The following UFL1 variants were observed in gnomAD, a reference collection of about 807,000 sequenced individuals.
The protein encoded by UFL1 is UFM1 specific ligase 1.
In UFL1, 78 loss-of-function variants were observed where a neutral mutation model predicts 99.3. The ratio of observed to expected loss-of-function variants is 0.79; its 90% CI spans 0.65 to 0.95. The LOEUF is 0.95. UFL1 is among the 40% of genes least tolerant of loss of function. The pLI is 0.00. For missense variants in UFL1, 936 were observed against 937.0 expected (o/e 1.00, Z 0.01); for synonymous variants, 335 against 322.2 (o/e 1.04, Z -0.42).
In UFL1 at chr6:96,549,653, G is replaced by A. The variant is rs547874717; in HGVS notation, c.1688-16G>A. The A allele has an allele frequency of 1.5e-5, 24 of 1,598,472 alleles. No individual in the cohort carries two copies. The African/African-American group carries it at 2.7e-4, about 18-fold the overall frequency. On this transcript the variant is annotated splice_polypyrimidine_tract_variant and intron_variant, in intron 14 of 18. Coordinates refer to ENST00000369278, the MANE Select transcript of UFL1 (RefSeq NM_015323.5). ...GGGGAATAAATTAGTTTTAATAAAG[G>A]TCCTTTATTTTCCAGATGACACACA...
At chr6:96,542,862 G>A (rs766731069) in intron 11 of UFL1, 32 bp from the exon 12 acceptor site, 2 of 1,528,954 alleles carry the variant, frequency 1.3e-6, no homozygotes, top group Admixed American at 4.6e-5. Context: ...GATTTAGTTA[G>A]GTAATGCTAA....
chr6:96,546,677 A>G (rs920912022), intron 12 of UFL1, among the ~76,000 whole-genome samples: 5 of 151,730 alleles, frequency 3.3e-5, no homozygotes, highest in Non-Finnish European at 5.9e-5. Context: ...CACATAGATC[A>G]TTGGAACAGA....
chr6:96,526,100 AAAAG>A (rs749169643), intron 4 of UFL1, among the ~76,000 whole-genome samples: 2 of 152,178 alleles, frequency 1.3e-5, no homozygotes, highest in African/African-American at 2.4e-5. Flanking sequence ...AAAAAAAAGA[AAAAG>A]AAAAAGAAAA....
chr6:96,537,113 C>T (rs974131538), intron 8 of UFL1, among the ~76,000 whole-genome samples: 4 of 151,564 alleles, frequency 2.6e-5, no homozygotes, highest in Admixed American at 6.6e-5. Context: ...ATAATTTAAA[C>T]GTATGGTAGA....
At chr6:96,553,200 A>G (rs537374451) in intron 18 of UFL1, 85 bp from the exon 19 acceptor site, 27 of 1,287,816 alleles carry the variant, frequency 2.1e-5, no homozygotes, top group African/African-American at 4.5e-5. Context: ...AGGACCTTCA[A>G]TGTGTATTAG....
Position 96,549,492 on chromosome 6 carries a change from A to G in UFL1, c.1601A>G (p.Lys534Arg), listed in dbSNP as rs770003683. 1.3e-6 allele frequency: 2 copies of G among 1,591,152 alleles called. No individual in the cohort carries two copies. Among genetic ancestry groups the G allele is most frequent in the Admixed American group, 3.8e-5 (2 of 52,424 alleles). ...STTSASGTGR[K>R]RTIKDLQEEV... The stretch of plus-strand genomic sequence containing the variant: ...ACTTCTGCTTCTGGGACGGGCAGAA[A>G]ACGCACAATCAAGGACTTGCAAGAA... Residue 534 changes from lysine (K) to arginine (R), a missense_variant, in exon 14 of 19, where the codon AAA becomes AGA. Transcript: ENST00000369278.
At chr6:96,529,118 CAAT>C (rs772842280) in intron 6 of UFL1, among the ~76,000 whole-genome samples, 1 of 152,256 alleles carries the variant, frequency 6.6e-6, no homozygotes, top group East Asian at 1.9e-4. Context: ...TAATGAATAA[CAAT>C]GTTACTTGCA....
Position 96,548,063 on chromosome 6 carries a change from G to A in UFL1, c.1403-101G>A, listed in dbSNP as rs1770024666. ...TGACATTAACAATTGAGTAATGAATGAATTATTGTCTTACTAAATATAGTA... is the reference window on the plus strand; with the variant it reads ...TGACATTAACAATTGAGTAATGAATAAATTATTGTCTTACTAAATATAGTA... On this transcript the variant is annotated intron_variant, in intron 12 of 18. Transcript: ENST00000369278. The A allele has an allele frequency of 1.5e-5, 11 of 727,218 alleles. No homozygotes were observed. In the South Asian group the frequency reaches 1.9e-4, roughly 13 times the overall value. 45.0% of individuals were successfully genotyped at this position (727,218 alleles called of 1,614,324 possible). A position where few individuals can be genotyped will look rare whatever the true frequency, so the allele number is the denominator to read the frequency against.
intron 10 of UFL1, among the ~76,000 whole-genome samples, chr6:96,539,970 T>G (rs1181977916): frequency 6.6e-6 from 1 of 151,684 alleles, no homozygotes; most frequent in East Asian, 1.9e-4. Context: ...TAGGACCTTA[T>G]GCCATCAGAA....
chr6:96,524,485 C>T (rs1425452222), intron 3 of UFL1, 75 bp downstream of exon 3: 2 of 1,114,466 alleles, frequency 1.8e-6, no homozygotes, highest in African/African-American at 1.6e-5. Context: ...CAAGTATTCA[C>T]TAATGCTGGT....
At chr6:96,538,090 A>G (rs991925224) in intron 9 of UFL1, among the ~76,000 whole-genome samples, 2 of 151,778 alleles carry the variant, frequency 1.3e-5, no homozygotes, top group African/African-American at 4.8e-5. Flanking sequence ...TGGATATGAA[A>G]GTCCCAAAGA....
In UFL1 at chr6:96,526,406, T is replaced by C; in HGVS notation, c.436T>C (p.Tyr146His). Reference sequence around the variant, plus strand: ...CACCATATCAGAACTGTGTAAAACTTATGATCTTCCTGGGAACTTTCTGAC... The same window carrying C: ...CACCATATCAGAACTGTGTAAAACTCATGATCTTCCTGGGAACTTTCTGAC... ...QVTISELCKT[Y>H]DLPGNFLTQA... The change falls in exon 5 of 19, where the codon TAT becomes CAT. Residue 146 changes from tyrosine (Y) to histidine (H), a missense_variant. Tyr to His is a moderately conservative substitution (Grantham distance 83, BLOSUM62 2). Coordinates refer to ENST00000369278, the MANE Select transcript of UFL1 (RefSeq NM_015323.5). 1 of 1,612,436 alleles carries C rather than the reference T, an allele frequency of 6.2e-7. No individual in the cohort carries two copies. The highest frequency in any genetic ancestry group is 8.5e-7 in the Non-Finnish European group (1 of 1,179,548).
At chr6:96,535,926 A>T (rs1173477654) in intron 7 of UFL1, among the ~76,000 whole-genome samples, 3 of 152,056 alleles carry the variant, frequency 2.0e-5, no homozygotes, top group Non-Finnish European at 4.4e-5. Context: ...ATTATGAGAT[A>T]GATAATGGCA....
At chr6:96,550,244 T>A (rs898408193) in intron 15 of UFL1, among the ~76,000 whole-genome samples, 9 of 151,872 alleles carry the variant, frequency 5.9e-5, no homozygotes, top group African/African-American at 1.9e-4. Context: ...ATGTAGAGAA[T>A]GGCTCCCAGT....
At chr6:96,547,830 A>T (rs1770021671) in intron 12 of UFL1, among the ~76,000 whole-genome samples, 2 of 151,476 alleles carry the variant, frequency 1.3e-5, no homozygotes, top group South Asian at 4.1e-4. Context: ...GTATGTGGGC[A>T]GGGCAAGGGT....
chr6:96,540,662 A>T lies in UFL1; in HGVS notation c.1279+7A>T, dbSNP rs1398859851. Reference sequence around the variant, plus strand: ...CGAAGAAGGAAAGCAACAGGTAATAAATTGTTAACAAGGAATATTCAAAGT... The same window carrying T: ...CGAAGAAGGAAAGCAACAGGTAATATATTGTTAACAAGGAATATTCAAAGT... On this transcript the variant is annotated splice_region_variant and intron_variant, in intron 11 of 18. Transcript: ENST00000369278. 6.3e-7 allele frequency: 1 copy of T among 1,592,044 alleles called. No homozygotes were observed. Among genetic ancestry groups the T allele is most frequent in the Admixed American group, 1.8e-5 (1 of 54,916 alleles).
intron 12 of UFL1, among the ~76,000 whole-genome samples, chr6:96,547,087 T>C (rs1770012035): frequency 6.6e-6 from 1 of 151,608 alleles, no homozygotes; most frequent in Non-Finnish European, 1.5e-5. Context: ...ATGCGAATTA[T>C]GCTTCTGACA....
intron 11 of UFL1, among the ~76,000 whole-genome samples, chr6:96,541,897 G>T (rs35125252): frequency 6.6e-6 from 1 of 150,876 alleles, no homozygotes; most frequent in East Asian, 1.9e-4. Context: ...GTTCACTTTA[G>T]ACTTATATTT....
In UFL1 at chr6:96,537,543, T is replaced by C. The variant is rs150475810; in HGVS notation, c.972T>C (p.Asp324=). 194 of 1,582,536 alleles carry C rather than the reference T, an allele frequency of 1.2e-4. No individual in the cohort carries two copies. The highest frequency in any genetic ancestry group is 2.1e-4 in the Admixed American group (11 of 51,862). ...EEAISSGTWV[D]IAPLLPTSLS... is the part of the protein sequence containing the mutation. The stretch of plus-strand genomic sequence containing the variant: ...CCATCAGCTCTGGAACATGGGTTGA[T>C]ATTGCAGTATGTTTTATCTTTTCCT... The change falls in exon 9 of 19, where the codon GAT becomes GAC. Residue 324 remains aspartate, a synonymous_variant. Coordinates refer to ENST00000369278, the MANE Select transcript of UFL1 (RefSeq NM_015323.5).
Sources: gnomAD v4.1 joint callset for allele counts (sites outside exome capture counted in the v4.1 genomes callset) on GRCh38, gnomAD v4.1.1 for gene constraint, MANE v1.5 for transcripts, NCBI Gene and HGNC (gene_info 2026-07-23, HGNC 2026-07-21) for gene names.